ZNF577: variants seen among roughly 807,000 people sequenced by gnomAD.
ZNF577 encodes zinc finger protein 577.
In ZNF577, 14 loss-of-function variants were observed where a neutral mutation model predicts 13.9. That is an observed-to-expected ratio of 1.00 (90% CI 0.66 to 1.57). The LOEUF is 1.57. ZNF577 is among the 40% of genes most tolerant of loss of function. The pLI is 0.00. For synonymous variants in ZNF577, 203 were observed against 202.9 expected (o/e 1.00, Z 0.00); for missense variants, 555 against 579.2 (o/e 0.96, Z 0.43).
chr19:51,862,002 G>A (rs928446876), intron 5 of ZNF577: 5 of 152,096 alleles, frequency 3.3e-5, no homozygotes, highest in African/African-American at 7.3e-5. Flanking sequence ...CAAGTTTTTC[G>A]ATGCTTACTG....
At chr19:51,876,112 G>A (rs761573996) in intron 5 of ZNF577, among the ~76,000 whole-genome samples, 8 of 152,334 alleles carry the variant, frequency 5.3e-5, no homozygotes, top group East Asian at 3.9e-4. Flanking sequence ...CAGAATACTC[G>A]TCCAGGGTGC....
chr19:51,821,085 A>T (rs906414187), intron 9 of ZNF577, among the ~76,000 whole-genome samples: 1 of 152,212 alleles, frequency 6.6e-6, no homozygotes, highest in Admixed American at 6.5e-5. Context: ...TGAGGACCAG[A>T]AGTTCCCATT....
intron 5 of ZNF577, among the ~76,000 whole-genome samples, chr19:51,847,086 G>C (rs2084356636): frequency 1.3e-5 from 2 of 152,100 alleles, no homozygotes; most frequent in Admixed American, 1.3e-4. Context: ...GGGTAGAATT[G>C]ACATAAAAAG....
chr19:51,815,861 C>CAA (rs35067102), intron 9 of ZNF577, among the ~76,000 whole-genome samples: 62 of 131,364 alleles, frequency 4.7e-4, no homozygotes, highest in African/African-American at 7.1e-4. Flanking sequence ...GACCCTGTCT[C>CAA]AAAAAAAAAA....
At chr19:51,837,061 A>G (rs1228054760) in intron 9 of ZNF577, among the ~76,000 whole-genome samples, 1 of 131,266 alleles carries the variant, frequency 7.6e-6, no homozygotes, top group Non-Finnish European at 1.5e-5. Context: ...AAAAAAAAAG[A>G]AAAGAAAAGA....
intron 5 of ZNF577, among the ~76,000 whole-genome samples, chr19:51,876,540 T>G (rs867312335): frequency 6.6e-6 from 1 of 151,642 alleles, no homozygotes; most frequent in East Asian, 1.9e-4. Flanking sequence ...TGTGGAGGCA[T>G]TGACGTGAGC....
At chr19:51,867,004 G>A (rs1172115922), downstream of ZNF577, among the ~76,000 whole-genome samples, 1 of 141,978 alleles carries the variant, frequency 7.0e-6, no homozygotes, top group Admixed American at 7.0e-5. Flanking sequence ...AAAGGAAGAA[G>A]GAAAGAAAGA....
intron 1 of ZNF577, among the ~76,000 whole-genome samples, chr19:51,882,249 G>A (rs898019249): frequency 6.6e-6 from 1 of 152,094 alleles, no homozygotes; most frequent in Admixed American, 6.5e-5. Flanking sequence ...GAAGCTCATG[G>A]CAGGCTTTCC....
chr19:51,887,457 A>C lies in ZNF577; in HGVS notation c.-855T>G, dbSNP rs1433081. ...ATGGGGATGTTATTACTTGGGTCGC[A>C]ATGAACCTGAAAACCCATTTTCTAC... On this transcript the variant is annotated 5_prime_UTR_variant, in exon 1 of 6. In the 5' UTR this introduces an upstream ATG that the reference lacks. Coordinates refer to ENST00000638348, the MANE Select transcript of ZNF577 (RefSeq NM_001370449.1). 30,885 of 152,030 alleles carry C rather than the reference A, an allele frequency of 0.2. 3,683 individuals are homozygous for C. The highest frequency in any genetic ancestry group is 0.38 in the South Asian group (1,821 of 4,820). 9.4% of individuals were successfully genotyped at this position (152,030 alleles called of 1,614,324 possible). A position where few individuals can be genotyped will look rare whatever the true frequency, so the allele number is the denominator to read the frequency against.
chr19:51,845,380 C>A (rs942714680), intron 5 of ZNF577, among the ~76,000 whole-genome samples: 7 of 151,724 alleles, frequency 4.6e-5, no homozygotes, highest in African/African-American at 1.7e-4. Context: ...TCCCAGCTAC[C>A]CGGGAGGCTG....
chr19:51,878,581 G>A, intron 3 of ZNF577, 66 bp from the exon 4 acceptor site: 1 of 1,586,318 alleles, frequency 6.3e-7, no homozygotes, highest in Non-Finnish European at 8.6e-7. Flanking sequence ...AGAGGGACGG[G>A]GACATGTCTT....
At chr19:51,836,988 G>A (rs1187064322) in intron 9 of ZNF577, among the ~76,000 whole-genome samples, 1 of 148,652 alleles carries the variant, frequency 6.7e-6, no homozygotes, top group African/African-American at 2.5e-5. Context: ...AGGTTGCAGT[G>A]AGCCCAGAGG....
At chr19:51,881,148 A>G (rs1337117960) in intron 1 of ZNF577, among the ~76,000 whole-genome samples, 1 of 152,184 alleles carries the variant, frequency 6.6e-6, no homozygotes, top group Non-Finnish European at 1.5e-5. Context: ...TCCACTGCCA[A>G]GTTCTCACAT....
intron 5 of ZNF577, among the ~76,000 whole-genome samples, chr19:51,859,135 T>C (rs1322057585): frequency 6.6e-6 from 1 of 152,210 alleles, no homozygotes; most frequent in African/African-American, 2.4e-5. Context: ...GTATGTTTTT[T>C]GGGGCTCATT....
intron 5 of ZNF577, among the ~76,000 whole-genome samples, chr19:51,875,137 G>C (rs1045064739): frequency 3.3e-5 from 5 of 152,016 alleles, no homozygotes; most frequent in African/African-American, 4.8e-5. Context: ...GGGAGGTCGA[G>C]GTGGATGGGA....
intron 9 of ZNF577, among the ~76,000 whole-genome samples, chr19:51,833,047 A>G (rs2084268371): frequency 6.6e-6 from 1 of 152,204 alleles, no homozygotes; most frequent in Non-Finnish European, 1.5e-5. Context: ...TTTTAACTTG[A>G]ATCACATTGA....
At chr19:51,876,446 CAGA>C (rs2084764472) in intron 5 of ZNF577, among the ~76,000 whole-genome samples, 1 of 150,016 alleles carries the variant, frequency 6.7e-6, no homozygotes, top group South Asian at 2.1e-4. Context: ...GGAGAATCAG[CAGA>C]AGATAAAAAA....
Position 51,877,346 on chromosome 19 carries a change from G to A in ZNF577, c.219C>T (p.Phe73=), listed in dbSNP as rs757649074. 6.2e-7 allele frequency: 1 copy of A among 1,614,132 alleles called. No homozygotes were observed. The highest frequency in any genetic ancestry group is 1.1e-5 in the South Asian group (1 of 91,084). Residue 73 remains phenylalanine (F), a synonymous_variant, in exon 5 of 6, where the codon TTC becomes TTT. Transcript: ENST00000638348. The part of the protein sequence containing the change: ...GYRGTKPDSL[F]KLEQGEPPGI... ...CTGGGGGTTCTCCTTGCTCCAACTT[G>A]AAGAGCGAATCTGGCTTGGTGCCTC...
chr19:51,857,506 C>T (rs1013854719), intron 5 of ZNF577, among the ~76,000 whole-genome samples: 1 of 152,218 alleles, frequency 6.6e-6, no homozygotes, highest in Non-Finnish European at 1.5e-5. Context: ...AGAGCATAGA[C>T]CACAATTTCA....
Sources: gnomAD v4.1 joint callset for allele counts (sites outside exome capture counted in the v4.1 genomes callset) on GRCh38, gnomAD v4.1.1 for gene constraint, MANE v1.5 for transcripts, NCBI Gene and HGNC (gene_info 2026-07-23, HGNC 2026-07-21) for gene names.